MMS19: variants seen among roughly 807,000 people sequenced by gnomAD.
The protein encoded by MMS19 is MMS19 cytosolic iron-sulfur assembly component, also known as MMS19 nucleotide excision repair protein homolog.
Under a neutral mutation model 129.8 loss-of-function variants are expected in MMS19, and 77 were observed. The ratio of observed to expected loss-of-function variants is 0.59; its 90% confidence interval spans 0.49 to 0.72. MMS19 has a LOEUF of 0.72. MMS19 is among the 30% of genes least tolerant of loss of function. The pLI, the probability that MMS19 is intolerant of heterozygous loss-of-function variation, is 0.00. For synonymous variants in MMS19, 491 were observed against 502.8 expected (o/e 0.98, Z 0.31); for missense variants, 1,168 against 1,266.3 (o/e 0.92, Z 1.18).
chr10:97,480,642 C>T lies in MMS19; in HGVS notation c.262+300G>A, dbSNP rs557463974. On this transcript the variant is annotated intron_variant, in intron 3 of 30. Coordinates refer to ENST00000438925, the MANE Select transcript of MMS19 (RefSeq NM_022362.5). ...TGTCATCCAGGCTGGAGTTCAGTGG[C>T]GTGATCTCGGCTCACTGCAACTTCC... 7.9e-5 allele frequency among the ~76,000 whole-genome samples: 12 copies of T among 152,218 alleles called. No individual in the cohort carries two copies. The East Asian group carries it at 1.2e-3, about 15-fold the overall frequency.
chr10:97,468,912 G>GA (rs1424845388), intron 12 of MMS19, 54 bp downstream of exon 12: 17 of 1,542,300 alleles, frequency 1.1e-5, no homozygotes, highest in African/African-American at 1.4e-5. Flanking sequence ...CCCAGGCAAG[G>GA]AATGTCGTTT....
In MMS19 at chr10:97,468,262, T is replaced by C. The variant is rs2033945343; in HGVS notation, c.1208A>G (p.Lys403Arg). The change falls in exon 13 of 31, where the codon AAG becomes AGG. Residue 403 changes from lysine to arginine, a missense_variant. This residue lies in a region of MMS19 where 831 missense variants were observed against 910.8 expected (regional missense o/e 0.91). Coordinates refer to ENST00000438925, the MANE Select transcript of MMS19 (RefSeq NM_022362.5). ...ATTCTGCTCCCTTACCTGACTGTGC[T>C]TGTGGAACTGTTCCAGCAGTAAAGG... ...VLPLLLEQFH[K>R]HSQSSQRRTI... The C allele has an allele frequency of 6.3e-7, 1 of 1,583,810 alleles. No individual in the cohort carries two copies.
intron 4 of MMS19, 112 bp from the exon 5 acceptor site, chr10:97,478,041 G>A: frequency 1.4e-6 from 1 of 718,860 alleles, no homozygotes. Flanking sequence ...CATCCTGGTT[G>A]AGGAAGAAGC....
rs1193812039 is a variant in MMS19, at chr10:97,477,948, T to C, written c.349-19A>G. On this transcript the variant is annotated intron_variant, in intron 4 of 30. Coordinates refer to ENST00000438925, the MANE Select transcript of MMS19 (RefSeq NM_022362.5). ...ACAGGCTCTGGGGGAGAGGAGAAGG[T>C]ACGTGAATACCGAAGGAATTGCAGC... The C allele has an allele frequency of 3.8e-5, 58 of 1,546,368 alleles. No homozygotes were observed. In the East Asian group the frequency reaches 1.3e-3, roughly 34 times the overall value.
chr10:97,471,392 A>G (rs181718456), intron 8 of MMS19, among the ~76,000 whole-genome samples: 7 of 152,328 alleles, frequency 4.6e-5, no homozygotes, highest in Admixed American at 3.3e-4. Flanking sequence ...GTAATTCTGA[A>G]AACAGAAAGC....
chr10:97,496,681 T>A (rs540435022), intron 1 of MMS19, among the ~76,000 whole-genome samples: 1 of 152,340 alleles, frequency 6.6e-6, no homozygotes, highest in South Asian at 2.1e-4. Context: ...CAAATGACAC[T>A]GATATAGTAA....
chr10:97,486,939 G>A (rs1298245095), intron 1 of MMS19, among the ~76,000 whole-genome samples: 3 of 143,436 alleles, frequency 2.1e-5, no homozygotes, highest in Non-Finnish European at 4.6e-5. Flanking sequence ...TAGAAAATCA[G>A]GGAGAAGGTA....
Position 97,466,980 on chromosome 10 carries a change from C to G in MMS19, c.1298-79G>C, listed in dbSNP as rs539261934. On this transcript the variant is annotated intron_variant, in intron 14 of 30. Transcript: ENST00000438925. Reference sequence around the variant, plus strand: ...TGACTAAGCTGTGATACACAGCCAACCTGGGGTAGATTTTTTTTTTGAGAC... The same window carrying G: ...TGACTAAGCTGTGATACACAGCCAAGCTGGGGTAGATTTTTTTTTTGAGAC... 4.5e-6 allele frequency: 7 copies of G among 1,553,580 alleles called. No homozygotes were observed. In the East Asian group the frequency reaches 1.6e-4, roughly 35 times the overall value.
Position 97,498,259 on chromosome 10 carries a change from G to A in MMS19, c.112+14C>T. On this transcript the variant is annotated intron_variant, in intron 1 of 30. Coordinates refer to ENST00000438925, the MANE Select transcript of MMS19 (RefSeq NM_022362.5). Reference sequence around the variant, plus strand: ...GGCCCCCATGCGGAAGGCGCGCGGCGCCGTCTGCCGTACCTGCAGCCACCT... The same window carrying A: ...GGCCCCCATGCGGAAGGCGCGCGGCACCGTCTGCCGTACCTGCAGCCACCT... The A allele has an allele frequency of 1.9e-6, 3 of 1,539,914 alleles. No individual in the cohort carries two copies. Among genetic ancestry groups the A allele is most frequent in the South Asian group, 1.2e-5 (1 of 84,486 alleles).
chr10:97,492,955 T>C (rs777236228), intron 1 of MMS19, among the ~76,000 whole-genome samples: 4 of 151,652 alleles, frequency 2.6e-5, no homozygotes, highest in Non-Finnish European at 5.9e-5. Flanking sequence ...GATAGAAATA[T>C]GGGCAGGGAG....
chr10:97,481,013 G>A lies in MMS19; in HGVS notation c.191C>T (p.Thr64Ile). The A allele has an allele frequency of 1.9e-6, 3 of 1,607,986 alleles. No homozygotes were observed. The highest frequency in any genetic ancestry group is 1.3e-5 in the African/African-American group (1 of 74,944). ...GSSLENPEPR[T>I]RARAIQLLSQ... ...CAAAAGCTGGATTGCTCGTGCCCGA[G>A]TTCGGGGTTCTGGATTCTCTAGAGA... Residue 64 changes from threonine to isoleucine, a missense_variant, in exon 3 of 31, where the codon ACT becomes ATT. Thr to Ile is a moderately conservative substitution (Grantham distance 89). Transcript: ENST00000438925.
At chr10:97,483,968 G>A (rs569034121) in intron 2 of MMS19, 135 bp downstream of exon 2, 3 of 607,322 alleles carry the variant, frequency 4.9e-6, no homozygotes, top group South Asian at 2.1e-5. Context: ...GGCTTAGACT[G>A]AGGTACTAAT....
rs1264352436 is a variant in MMS19, at chr10:97,468,361, G to T, written c.1109C>A (p.Pro370His). 2 of 1,612,382 alleles carry T rather than the reference G, an allele frequency of 1.2e-6. No homozygotes were observed. The highest frequency in any genetic ancestry group is 1.7e-6 in the Non-Finnish European group (2 of 1,178,988). Residue 370 changes from proline (P) to histidine (H), a missense_variant, in exon 13 of 31, where the codon CCT becomes CAT. By Grantham distance (77) the Pro-to-His change is moderately conservative (BLOSUM62 -2). Coordinates refer to ENST00000438925, the MANE Select transcript of MMS19 (RefSeq NM_022362.5). The part of the protein sequence containing the change: ...LCEPDMKLVW[P>H]SAKLLQAAAG... ...AGCTGCCTGCAACAGCTTGGCACTA[G>T]GCCACACCAGTTTCATGTCCGGTTC...
chr10:97,494,129 C>T (rs550340416), intron 1 of MMS19, among the ~76,000 whole-genome samples: 19 of 152,304 alleles, frequency 1.2e-4, no homozygotes, highest in Admixed American at 3.3e-4. Context: ...ATTTTCCTAA[C>T]GGTATTTTCG....
rs2032052690 is a variant in MMS19 at position 97,461,872 on chromosome 10, G to A, written c.2140C>T (p.Leu714=). The A allele has an allele frequency of 6.2e-7, 1 of 1,607,502 alleles. No homozygotes were observed. The highest frequency in any genetic ancestry group is 8.5e-7 in the Non-Finnish European group (1 of 1,177,158). ...ACAAAGGCCATAAGCAGTGCAATCAGCCGCCTCTGCCCTGAGGAGCCATCC... is the reference window on the plus strand; with the variant it reads ...ACAAAGGCCATAAGCAGTGCAATCAACCGCCTCTGCCCTGAGGAGCCATCC... ...FQDGSSGQRR[L]IALLMAFVCS... Residue 714 remains leucine, a synonymous_variant, in exon 22 of 31, where the codon CTG becomes TTG. Coordinates refer to ENST00000438925, the MANE Select transcript of MMS19 (RefSeq NM_022362.5).
intron 8 of MMS19, among the ~76,000 whole-genome samples, chr10:97,474,848 A>G (rs1490514426): frequency 6.6e-6 from 1 of 152,202 alleles, no homozygotes; most frequent in Non-Finnish European, 1.5e-5. Flanking sequence ...AGTAGCAGTA[A>G]AGGGGTATGA....
At position 97,464,007 on chromosome 10, in the gene MMS19, A is replaced by G; in HGVS notation, c.1763T>C (p.Met588Thr). Residue 588 changes from methionine (M) to threonine (T), a missense_variant, in exon 19 of 31, where the codon ATG becomes ACG. Transcript: ENST00000438925. Reference sequence around the variant, plus strand: ...AATAACGTCACTGGATTGTGCAACCATATTCCCTGTTGATGAGAAAGTGTT... The same window carrying G: ...AATAACGTCACTGGATTGTGCAACCGTATTCCCTGTTGATGAGAAAGTGTT... ...QHLWQVNRGN[M>T]VAQSSDVIAV... The G allele has an allele frequency of 6.2e-7, 1 of 1,612,568 alleles. No individual in the cohort carries two copies.
rs1458935522 is a variant in MMS19 at position 97,476,840 on chromosome 10, C to CTA, written c.615_616dup (p.Ser206IlefsTer13). 2 of 1,614,006 alleles carry CTA rather than the reference C, an allele frequency of 1.2e-6. No individual in the cohort carries two copies. Among genetic ancestry groups the CTA allele is most frequent in the South Asian group, 2.2e-5 (2 of 91,086 alleles). On this transcript the variant is annotated frameshift_variant, in exon 7 of 31. Transcript: ENST00000438925. LOFTEE classifies it high-confidence loss of function. The stretch of plus-strand genomic sequence containing the variant: ...TCATGGCTACCACGATATACCCAGG[C>CTA]TATAGTCCCTGGAGATGAGGTCATG...
At chr10:97,473,360 T>C (rs970129430) in intron 8 of MMS19, among the ~76,000 whole-genome samples, 2 of 152,082 alleles carry the variant, frequency 1.3e-5, no homozygotes, top group Non-Finnish European at 2.9e-5. Context: ...TTGAATTACA[T>C]GCCCATAATG....
Sources: allele counts gnomAD v4.1 joint callset (sites outside exome capture counted in the v4.1 genomes callset), GRCh38; gene constraint gnomAD v4.1.1; regional missense constraint gnomAD v4.1.1; transcripts MANE v1.5; gene names NCBI Gene and HGNC (gene_info 2026-07-23, HGNC 2026-07-21).